DACH1: variants seen among roughly 807,000 people sequenced by gnomAD.
The protein encoded by DACH1 is dachshund homolog 1.
Under a neutral mutation model 54.2 loss-of-function variants are expected in DACH1, and 12 were observed. The observed-to-expected ratio is 0.22, with a 90% CI of 0.14 to 0.36. The LOEUF is 0.36. Ranked by LOEUF, DACH1 falls within the 10% of genes least tolerant of loss-of-function variation. DACH1 has a pLI of 1.00. For missense variants in DACH1, 805 were observed against 929.8 expected, an observed-to-expected ratio of 0.87 and a Z score of 1.75; for synonymous variants, 386 against 366.2, an observed-to-expected ratio of 1.05 and a Z score of -0.62.
intron 2 of DACH1, among the ~76,000 whole-genome samples, chr13:71,636,548 A>AT: frequency 7.0e-6 from 1 of 142,136 alleles, no homozygotes; most frequent in Non-Finnish European, 1.5e-5. Context: ...ACACAAAGTA[A>AT]AAATAATAAT....
chr13:71,600,725 G>T (rs1874428742), intron 3 of DACH1, among the ~76,000 whole-genome samples: 1 of 151,986 alleles, frequency 6.6e-6, no homozygotes, highest in South Asian at 2.1e-4. Flanking sequence ...TCCACAGATA[G>T]ACTGGTATAA....
intron 3 of DACH1, among the ~76,000 whole-genome samples, chr13:71,592,494 CAAAAAAA>C (rs575364116): frequency 7.6e-4 from 25 of 32,784 alleles, no homozygotes; most frequent in South Asian, 2.5e-3. Flanking sequence ...GACTCTATCT[CAAAAAAA>C]AAAAAAAAAA....
intron 1 of DACH1, among the ~76,000 whole-genome samples, chr13:71,810,562 G>A (rs1194620862): frequency 1.3e-5 from 2 of 152,078 alleles, no homozygotes; most frequent in Non-Finnish European, 2.9e-5. Context: ...AAGATATACA[G>A]TGAACTCAGG....
intron 2 of DACH1, among the ~76,000 whole-genome samples, chr13:71,634,542 C>T (rs1292362176): frequency 6.6e-6 from 1 of 152,162 alleles, no homozygotes; most frequent in Non-Finnish European, 1.5e-5. Context: ...CCCGGACTTG[C>T]CTATGCCTTC....
At chr13:71,514,667 A>G (rs1363020953) in intron 6 of DACH1, among the ~76,000 whole-genome samples, 1 of 151,884 alleles carries the variant, frequency 6.6e-6, no homozygotes, top group African/African-American at 2.4e-5. Context: ...AAACATGCAT[A>G]TCCTTTATGT....
chr13:71,532,000 T>C (rs531885481), intron 6 of DACH1, among the ~76,000 whole-genome samples: 1 of 152,086 alleles, frequency 6.6e-6, no homozygotes, highest in South Asian at 2.1e-4. Context: ...CTTGTGCATA[T>C]TAGGCATTCA....
At chr13:71,719,046 G>T (rs923515236) in intron 1 of DACH1, among the ~76,000 whole-genome samples, 1 of 151,954 alleles carries the variant, frequency 6.6e-6, no homozygotes, top group African/African-American at 2.4e-5. Flanking sequence ...TTTTCTGTTG[G>T]CATTCTTACT....
intron 1 of DACH1, among the ~76,000 whole-genome samples, chr13:71,772,776 TTAAA>T (rs1362223133): frequency 3.3e-5 from 5 of 151,726 alleles, no homozygotes; most frequent in African/African-American, 1.2e-4. Context: ...GGTTTATATC[TTAAA>T]TAAAGAAAAA....
At chr13:71,807,528 G>A (rs1243333815) in intron 1 of DACH1, among the ~76,000 whole-genome samples, 3 of 151,528 alleles carry the variant, frequency 2.0e-5, no homozygotes, top group African/African-American at 4.9e-5. Context: ...AGAAAACAGA[G>A]TGTGTGGTTT....
At chr13:71,660,534 C>T (rs1027378104) in intron 2 of DACH1, among the ~76,000 whole-genome samples, 3 of 151,944 alleles carry the variant, frequency 2.0e-5, no homozygotes, top group African/African-American at 4.8e-5. Flanking sequence ...TATATTGGGA[C>T]GAGCAGAGGC....
intron 1 of DACH1, among the ~76,000 whole-genome samples, chr13:71,791,746 A>G (rs1049211046): frequency 5.9e-5 from 9 of 152,236 alleles, no homozygotes; most frequent in African/African-American, 2.2e-4. Flanking sequence ...AAATGGGATT[A>G]TAATATTTTG....
chr13:71,620,516 T>C (rs1042530743), intron 3 of DACH1, among the ~76,000 whole-genome samples: 2 of 152,014 alleles, frequency 1.3e-5, no homozygotes, highest in Admixed American at 6.6e-5. Context: ...AGAAAATTTC[T>C]AAGGCCACTG....
intron 1 of DACH1, among the ~76,000 whole-genome samples, chr13:71,819,006 G>A (rs1404930038): frequency 1.3e-5 from 2 of 152,232 alleles, no homozygotes; most frequent in East Asian, 1.9e-4. Flanking sequence ...GATGATGTAG[G>A]GAGTATTCGC....
At chr13:71,687,057 C>G (rs946012519) in intron 1 of DACH1, among the ~76,000 whole-genome samples, 5 of 152,116 alleles carry the variant, frequency 3.3e-5, no homozygotes, top group African/African-American at 1.2e-4. Flanking sequence ...CAAGCATTTA[C>G]GAGTGAAAGC....
At chr13:71,766,406 C>T (rs1885630342) in intron 1 of DACH1, among the ~76,000 whole-genome samples, 1 of 152,096 alleles carries the variant, frequency 6.6e-6, no homozygotes, top group Admixed American at 6.5e-5. Flanking sequence ...TAAAGCAACC[C>T]AGTTTTTTCT....
At chr13:71,581,411 G>A (rs746547185) in intron 3 of DACH1, among the ~76,000 whole-genome samples, 18 of 151,984 alleles carry the variant, frequency 1.2e-4, no homozygotes, top group East Asian at 1.9e-4. Flanking sequence ...TACAGCACAC[G>A]CCACCATGCC....
At chr13:71,502,998 T>A (rs1008435117) in intron 6 of DACH1, among the ~76,000 whole-genome samples, 3 of 152,216 alleles carry the variant, frequency 2.0e-5, no homozygotes, top group African/African-American at 7.2e-5. Context: ...GTACAATGAC[T>A]TCGCTTAAGC....
intron 6 of DACH1, among the ~76,000 whole-genome samples, chr13:71,517,450 T>C (rs1881247415): frequency 6.6e-6 from 1 of 151,940 alleles, no homozygotes; most frequent in African/African-American, 2.4e-5. Context: ...ATTAAACACC[T>C]GTCAGTCTTC....
At chr13:71,710,629 G>A (rs1882679686) in intron 1 of DACH1, among the ~76,000 whole-genome samples, 1 of 152,086 alleles carries the variant, frequency 6.6e-6, no homozygotes, top group African/African-American at 2.4e-5. Flanking sequence ...CTATTTGAAA[G>A]ACACTGAAAG....
Sources: gnomAD v4.1 joint callset for allele counts (sites outside exome capture counted in the v4.1 genomes callset) on GRCh38, gnomAD v4.1.1 for gene constraint, MANE v1.5 for transcripts, NCBI Gene and HGNC (gene_info 2026-07-23, HGNC 2026-07-21) for gene names.